The following NKAIN3 variants were observed in gnomAD, a reference collection of about 807,000 sequenced individuals.
NKAIN3 encodes the protein sodium/potassium transporting ATPase interacting 3.
A neutral mutation model predicts 30.2 loss-of-function variants in NKAIN3; 25 were observed. That is an observed-to-expected ratio of 0.83 (90% confidence interval 0.60 to 1.16). NKAIN3 has a LOEUF of 1.16. Ranked by LOEUF, NKAIN3 falls within the 50% of genes most tolerant of loss-of-function variation. The probability of loss-of-function intolerance (pLI) is 0.00; values close to 1 mark genes in which losing one functional copy is unlikely to be tolerated. For synonymous variants in NKAIN3, 91 were observed against 89.6 expected (o/e 1.02, Z -0.09); for missense variants, 225 against 254.1 (o/e 0.89, Z 0.78).
chr8:62,638,660 CT>C lies in NKAIN3; in HGVS notation c.273+48873del, dbSNP rs59199212. Among the ~76,000 whole-genome samples, 306 of 152,182 alleles carry C rather than the reference CT, an allele frequency of 2.0e-3. 1 individual carries two copies. The highest frequency in any genetic ancestry group is 7.0e-3 in the African/African-American group (292 of 41,534). On this transcript the variant is annotated intron_variant, in intron 3 of 6. Coordinates refer to ENST00000623646, the MANE Select transcript of NKAIN3 (RefSeq NM_001304533.3). Reference sequence around the variant, plus strand: ...CTTATTAGTATTGCTGATGCTGTTTCTTTTTTTCAACACTACCCCAATTTAA... The same window carrying C: ...CTTATTAGTATTGCTGATGCTGTTTCTTTTTTCAACACTACCCCAATTTAA...
At chr8:62,680,078 A>G (rs1813604470) in intron 3 of NKAIN3, among the ~76,000 whole-genome samples, 1 of 152,142 alleles carries the variant, frequency 6.6e-6, no homozygotes, top group African/African-American at 2.4e-5. Context: ...GAGGGACTTG[A>G]CCCATCATTG....
At chr8:62,319,787 G>A (rs978644252) in intron 1 of NKAIN3, among the ~76,000 whole-genome samples, 1 of 152,144 alleles carries the variant, frequency 6.6e-6, no homozygotes, top group African/African-American at 2.4e-5. Flanking sequence ...GCAGTGTGGT[G>A]CTGAGAAGAA....
intron 1 of NKAIN3, among the ~76,000 whole-genome samples, chr8:62,519,069 T>A (rs1184956585): frequency 6.6e-6 from 1 of 152,110 alleles, no homozygotes; most frequent in Non-Finnish European, 1.5e-5. Flanking sequence ...TTGTACCAAA[T>A]TTATACATAG....
rs781029639 is a variant in NKAIN3 at position 62,984,429 on chromosome 8, A to G, written c.*19022A>G. 2 of 152,134 alleles carry G rather than the reference A, an allele frequency of 1.3e-5. No homozygotes were observed. Among genetic ancestry groups the G allele is most frequent in the Non-Finnish European group, 2.9e-5 (2 of 68,020 alleles). 9.4% of individuals were successfully genotyped at this position (152,134 alleles called of 1,614,324 possible). A position where few individuals can be genotyped will look rare whatever the true frequency, so the allele number is the denominator to read the frequency against. Reference sequence around the variant, plus strand: ...CTCTCAATCTTCAAATAATTCTTAGATTGCTTGCCAGCAAAGATGTCTCTT... The same window carrying G: ...CTCTCAATCTTCAAATAATTCTTAGGTTGCTTGCCAGCAAAGATGTCTCTT... On this transcript the variant is annotated 3_prime_UTR_variant, in exon 7 of 7. Transcript: ENST00000623646.
chr8:62,883,059 A>G (rs55909798), intron 4 of NKAIN3, among the ~76,000 whole-genome samples: 5,480 of 152,224 alleles, frequency 0.036, 310 homozygotes, highest in African/African-American at 0.13. Context: ...ATTGCTCTCC[A>G]TATAAACTGT....
At chr8:62,387,364 T>A (rs1281177984) in intron 1 of NKAIN3, among the ~76,000 whole-genome samples, 2 of 144,830 alleles carry the variant, frequency 1.4e-5, no homozygotes, top group African/African-American at 2.6e-5. Context: ...AAAAAAAAAA[T>A]ACATGGTAGA....
chr8:62,835,361 T>C (rs945268732), intron 4 of NKAIN3, among the ~76,000 whole-genome samples: 30 of 151,998 alleles, frequency 2.0e-4, no homozygotes, highest in African/African-American at 6.5e-4. Flanking sequence ...CAACAAAAGA[T>C]ACTATTGACG....
At chr8:62,814,327 A>G (rs1299250471) in intron 4 of NKAIN3, among the ~76,000 whole-genome samples, 1 of 148,872 alleles carries the variant, frequency 6.7e-6, no homozygotes, top group Non-Finnish European at 1.5e-5. Flanking sequence ...TTTTTTTTTC[A>G]TTCTTTTAAT....
At chr8:62,624,902 A>G (rs1361999172) in intron 3 of NKAIN3, among the ~76,000 whole-genome samples, 2 of 151,982 alleles carry the variant, frequency 1.3e-5, no homozygotes, top group Non-Finnish European at 2.9e-5. Context: ...GTGAGTCCAT[A>G]AAAACATTTG....
chr8:62,927,496 C>A (rs771633616), intron 5 of NKAIN3, among the ~76,000 whole-genome samples: 1 of 151,890 alleles, frequency 6.6e-6, no homozygotes, highest in East Asian at 1.9e-4. Context: ...ATGTTTCTAC[C>A]GTAAAGAAAA....
chr8:62,958,989 T>A (rs1434188209), intron 6 of NKAIN3, among the ~76,000 whole-genome samples: 1 of 152,166 alleles, frequency 6.6e-6, no homozygotes, highest in Non-Finnish European at 1.5e-5. Flanking sequence ...GACCTGAGAT[T>A]CCCCCATAAC....
rs1387390268 is a variant in NKAIN3 at position 62,790,567 on chromosome 8, GTC to G, written c.471+43440_471+43441del. On this transcript the variant is annotated intron_variant, in intron 4 of 6. Transcript: ENST00000623646. ...CTTTTCCTTGTGTGTGTGTGTGTGT[GTC>G]TGTCTGTCTGTCTGTGTGTGTGTGT... Among the ~76,000 whole-genome samples, 618 of 86,454 alleles carry G rather than the reference GTC, an allele frequency of 7.1e-3. 5 individuals carry two copies. Among genetic ancestry groups the G allele is most frequent in the African/African-American group, 0.018 (572 of 31,124 alleles). The allele number at this position is 86,454 out of a possible 152,430, so 56.7% of individuals were successfully genotyped here.
At chr8:62,999,222 C>T (rs947037374) in intron 5 of NKAIN3, 3 of 152,218 alleles carry the variant, frequency 2.0e-5, no homozygotes, top group Non-Finnish European at 2.9e-5. Flanking sequence ...TTGGCTCATG[C>T]TTCTGCAGGG....
chr8:62,317,557 C>G (rs569738641), intron 1 of NKAIN3, among the ~76,000 whole-genome samples: 12 of 152,236 alleles, frequency 7.9e-5, no homozygotes, highest in South Asian at 2.1e-4. Flanking sequence ...GCTTGTTTTT[C>G]TCAGGTTTGT....
intron 3 of NKAIN3, among the ~76,000 whole-genome samples, chr8:62,667,348 T>TATATATATATCTGTATATATATATATAA (rs1813148219): frequency 1.4e-5 from 1 of 69,426 alleles, no homozygotes; most frequent in African/African-American, 1.2e-4. Flanking sequence ...ATATATTCTT[T>TATATATATATCTGTATATATATATATAA]ATATATATAT....
intron 1 of NKAIN3, among the ~76,000 whole-genome samples, chr8:62,508,799 G>A (rs1807725284): frequency 6.7e-6 from 1 of 149,182 alleles, no homozygotes; most frequent in African/African-American, 2.5e-5. Flanking sequence ...ACAATTTATT[G>A]AAGTGTAACA....
intron 1 of NKAIN3, among the ~76,000 whole-genome samples, chr8:62,560,730 G>T (rs994959477): frequency 6.6e-6 from 1 of 151,184 alleles, no homozygotes; most frequent in Non-Finnish European, 1.5e-5. Context: ...TAGTAGAGAT[G>T]GGGTTTCACC....
chr8:62,757,443 A>C (rs1816489402), intron 4 of NKAIN3, among the ~76,000 whole-genome samples: 1 of 152,192 alleles, frequency 6.6e-6, no homozygotes, highest in Non-Finnish European at 1.5e-5. Context: ...CTGTAAGAGC[A>C]CTATGCTGAG....
intron 1 of NKAIN3, among the ~76,000 whole-genome samples, chr8:62,319,446 C>T (rs1055136318): frequency 2.0e-4 from 30 of 151,976 alleles, no homozygotes; most frequent in South Asian, 4.1e-4. Flanking sequence ...TTAGATCTTT[C>T]CTGCTTTCTC....
Sources: gnomAD v4.1 joint callset for allele counts (sites outside exome capture counted in the v4.1 genomes callset) on GRCh38, gnomAD v4.1.1 for gene constraint, MANE v1.5 for transcripts, NCBI Gene and HGNC (gene_info 2026-07-23, HGNC 2026-07-21) for gene names.